ARRB1: variants seen among roughly 807,000 people sequenced by gnomAD.
The protein encoded by ARRB1 is beta-arrestin-1.
Under a neutral mutation model 56.8 loss-of-function variants are expected in ARRB1, and 21 were observed. The ratio of observed to expected loss-of-function variants is 0.37; its 90% CI spans 0.26 to 0.53. The LOEUF (loss-of-function observed/expected upper bound fraction) is 0.53. Among genes scored for constraint, ARRB1 ranks in the 20% least tolerant of loss-of-function variants. The pLI is 0.88. For synonymous variants in ARRB1, 210 were observed against 218.6 expected, an observed-to-expected ratio of 0.96 and a Z score of 0.35; for missense variants, 424 against 553.7, an observed-to-expected ratio of 0.77 and a Z score of 2.35.
intron 1 of ARRB1, among the ~76,000 whole-genome samples, chr11:75,295,158 G>T (rs1013154168): frequency 2.7e-5 from 4 of 146,574 alleles, no homozygotes; most frequent in South Asian, 4.4e-4. Flanking sequence ...GGAGGTGGAG[G>T]TTGCAGTGAG....
intron 1 of ARRB1, among the ~76,000 whole-genome samples, chr11:75,299,652 T>C (rs1174433687): frequency 6.6e-6 from 1 of 152,156 alleles, no homozygotes; most frequent in African/African-American, 2.4e-5. Flanking sequence ...AAGTCTGGGT[T>C]AGGAGCCCCT....
chr11:75,342,355 C>A (rs1229176344), intron 1 of ARRB1, among the ~76,000 whole-genome samples: 1 of 152,144 alleles, frequency 6.6e-6, no homozygotes, highest in African/African-American at 2.4e-5. Flanking sequence ...GGCCAAGGAG[C>A]AATGCTTGGG....
intron 13 of ARRB1, chr11:75,269,191 GA>G (rs1438725273): frequency 1.4e-6 from 1 of 733,888 alleles, no homozygotes; most frequent in Non-Finnish European, 2.5e-6. Context: ...TCTTTCCTGA[GA>G]AGGCTCTCTG....
At chr11:75,347,435 A>G (rs879578669) in intron 1 of ARRB1, among the ~76,000 whole-genome samples, 2 of 152,162 alleles carry the variant, frequency 1.3e-5, no homozygotes, top group Non-Finnish European at 1.5e-5. Flanking sequence ...GTTCATCTGC[A>G]GGAAAGGAAA....
chr11:75,281,213 C>T (rs1355343138), intron 6 of ARRB1, 71 bp from the exon 7 acceptor site: 3 of 1,430,642 alleles, frequency 2.1e-6, no homozygotes, highest in East Asian at 2.4e-5. Context: ...CAGCCCACCT[C>T]TCATTTTACA....
intron 1 of ARRB1, among the ~76,000 whole-genome samples, chr11:75,310,526 G>T (rs1297232025): frequency 6.6e-6 from 1 of 152,150 alleles, no homozygotes. Context: ...GTATCCAACC[G>T]GCACCAGGCA....
chr11:75,308,141 A>G (rs1278206850), intron 1 of ARRB1, among the ~76,000 whole-genome samples: 1 of 152,250 alleles, frequency 6.6e-6, no homozygotes. Context: ...TTCCACAGTC[A>G]TCTTTCCTAC....
At position 75,274,163 on chromosome 11, in the gene ARRB1, G is replaced by C; in HGVS notation, c.825C>G (p.Thr275=). 1 of 1,614,214 alleles carries C rather than the reference G, an allele frequency of 6.2e-7. No individual in the cohort carries two copies. The highest frequency in any genetic ancestry group is 8.5e-7 in the Non-Finnish European group (1 of 1,180,038). ...SSTFCKVYTL[T]PFLANNREKR... is the part of the protein sequence containing the mutation. Reference sequence around the variant, plus strand: ...TCTCTCGGTTATTGGCTAGGAAGGGGGTCAGTGTGTAGACCTTGCAGAACG... The same window carrying C: ...TCTCTCGGTTATTGGCTAGGAAGGGCGTCAGTGTGTAGACCTTGCAGAACG... The change falls in exon 11 of 16, where the codon ACC becomes ACG. Residue 275 remains threonine, a synonymous_variant. Coordinates refer to ENST00000420843, the MANE Select transcript of ARRB1 (RefSeq NM_004041.5).
intron 14 of ARRB1, 136 bp from the exon 15 acceptor site, chr11:75,267,839 G>A (rs982513215): frequency 2.7e-6 from 2 of 734,182 alleles, no homozygotes; most frequent in African/African-American, 1.7e-5. Flanking sequence ...ATGGAGATGG[G>A]GGAGGACTCA....
chr11:75,306,188 C>A (rs556062285), intron 1 of ARRB1, among the ~76,000 whole-genome samples: 1 of 152,276 alleles, frequency 6.6e-6, no homozygotes, highest in East Asian at 1.9e-4. Flanking sequence ...CTGAGTCTGA[C>A]CTTGGCCCCT....
chr11:75,306,751 C>T, intron 1 of ARRB1: 18 of 1,078,682 alleles, frequency 1.7e-5, no homozygotes, highest in Non-Finnish European at 1.8e-5. Context: ...AAGGAAAAGG[C>T]GTTCCTGATA....
At chr11:75,275,282 G>T (rs192606469) in intron 10 of ARRB1, among the ~76,000 whole-genome samples, 2 of 151,890 alleles carry the variant, frequency 1.3e-5, no homozygotes, top group Non-Finnish European at 2.9e-5. Flanking sequence ...AAGTAGCTGG[G>T]ATCACAGGGG....
chr11:75,327,289 G>A (rs575344662), intron 1 of ARRB1, among the ~76,000 whole-genome samples: 938 of 87,482 alleles, frequency 0.011, 20 homozygotes, highest in Non-Finnish European at 9.2e-3. Context: ...GTGACAGAGC[G>A]AAACTCCATC....
chr11:75,267,614 G>GC, intron 15 of ARRB1, 38 bp downstream of exon 15: 23 of 1,325,012 alleles, frequency 1.7e-5, no homozygotes, highest in Non-Finnish European at 2.3e-5. Context: ...CCCACCCGCG[G>GC]CCCACCCCCG....
chr11:75,313,145 G>T (rs1278613868), intron 1 of ARRB1, among the ~76,000 whole-genome samples: 7 of 152,088 alleles, frequency 4.6e-5, no homozygotes, highest in Admixed American at 4.6e-4. Flanking sequence ...TTGAGGTCAG[G>T]AGTTCGAAAC....
At chr11:75,299,139 T>C (rs1946833626) in intron 1 of ARRB1, among the ~76,000 whole-genome samples, 1 of 151,548 alleles carries the variant, frequency 6.6e-6, no homozygotes, top group Non-Finnish European at 1.5e-5. Context: ...TGTTCTGGAA[T>C]TGGATAGTGG....
chr11:75,344,371 G>C (rs540035471), intron 1 of ARRB1, among the ~76,000 whole-genome samples: 1 of 152,174 alleles, frequency 6.6e-6, no homozygotes, highest in Non-Finnish European at 1.5e-5. Flanking sequence ...CACCTGATTT[G>C]ACTTCACAGG....
chr11:75,321,421 T>A (rs536404206), intron 1 of ARRB1, among the ~76,000 whole-genome samples: 2 of 152,206 alleles, frequency 1.3e-5, no homozygotes, highest in South Asian at 4.2e-4. Flanking sequence ...GTCCAGGGCC[T>A]TTTCTCTCCT....
chr11:75,285,158 T>C (rs1414298024), intron 3 of ARRB1, among the ~76,000 whole-genome samples: 1 of 152,174 alleles, frequency 6.6e-6, no homozygotes, highest in Non-Finnish European at 1.5e-5. Flanking sequence ...CACATGTGGA[T>C]TGGGGGTTGT....
Sources: allele counts gnomAD v4.1 joint callset (sites outside exome capture counted in the v4.1 genomes callset), GRCh38; gene constraint gnomAD v4.1.1; transcripts MANE v1.5; gene names NCBI Gene and HGNC (gene_info 2026-07-23, HGNC 2026-07-21).